Variants in DIS3L observed in about 807,000 individuals in gnomAD.
The protein encoded by DIS3L is DIS3 like exosome 3'-5' exoribonuclease, also known as DIS3-like exonuclease 1.
Under a neutral mutation model 120.3 loss-of-function variants are expected in DIS3L, and 100 were observed. The ratio of observed to expected loss-of-function variants is 0.83; its 90% CI spans 0.71 to 0.98. The LOEUF is 0.98. Among genes scored for constraint, DIS3L ranks in the 50% least tolerant of loss-of-function variants. The pLI, the probability that DIS3L is intolerant of heterozygous loss-of-function variation, is 0.00. For missense variants in DIS3L, 1,196 were observed against 1,314.2 expected, an observed-to-expected ratio of 0.91 and a Z score of 1.39; for synonymous variants, 426 against 470.6, an observed-to-expected ratio of 0.91 and a Z score of 1.23.
Position 66,295,017 on chromosome 15 carries a change from C to G in DIS3L, c.169C>G (p.His57Asp). The G allele has an allele frequency of 6.2e-7, 1 of 1,613,854 alleles. No individual in the cohort carries two copies. The highest frequency in any genetic ancestry group is 8.5e-7 in the Non-Finnish European group (1 of 1,179,834). ...DGKLLSSDVT[H>D]YVIPDWKVVQ... ...GAAACTCTTGTCTAGTGATGTGACT[C>G]ATTACGTGATCCCAGACTGGAAAGT... Residue 57 changes from histidine (H) to aspartate (D), a missense_variant, in exon 2 of 17, where the codon CAT (histidine) becomes GAT (aspartate). Transcript: ENST00000319212.
chr15:66,323,695 G>A (rs1390642338), intron 11 of DIS3L, 110 bp downstream of exon 11: 1 of 1,132,564 alleles, frequency 8.8e-7, no homozygotes, highest in East Asian at 2.4e-5. Context: ...CCCCAGCCCT[G>A]TGTCTCCCCT....
intron 4 of DIS3L, among the ~76,000 whole-genome samples, chr15:66,310,584 G>C (rs1243098658): frequency 6.6e-6 from 1 of 152,158 alleles, no homozygotes; most frequent in African/African-American, 2.4e-5. Flanking sequence ...CCCTCTTGAA[G>C]ACGTAGTTCA....
In DIS3L at chr15:66,322,753, C is replaced by T. The variant is rs200498297; in HGVS notation, c.1393C>T (p.Arg465Cys). Residue 465 changes from arginine to cysteine, a missense_variant, in exon 10 of 17, where the codon CGT becomes TGT. Arg to Cys is a radical substitution (Grantham distance 180). Coordinates refer to ENST00000319212, the MANE Select transcript of DIS3L (RefSeq NM_001143688.3). ...WKVSPEEEQK[R>C]KDLRKSHLVF... ...GGTGAGTCCTGAAGAGGAACAAAAA[C>T]GTAAAGACTTGAGGAAAAGCCATCT... 1.8e-5 allele frequency: 29 copies of T among 1,613,984 alleles called. No individual in the cohort carries two copies. Among genetic ancestry groups the T allele is most frequent in the Non-Finnish European group, 2.0e-5 (24 of 1,180,032 alleles).
chr15:66,313,412 T>C (rs1234121233), intron 5 of DIS3L, among the ~76,000 whole-genome samples: 1 of 152,206 alleles, frequency 6.6e-6, no homozygotes, highest in African/African-American at 2.4e-5. Flanking sequence ...GATGGTATTT[T>C]TCTCCAAAGA....
intron 2 of DIS3L, among the ~76,000 whole-genome samples, chr15:66,297,774 T>C (rs987980045): frequency 2.0e-5 from 3 of 152,218 alleles, no homozygotes; most frequent in African/African-American, 7.2e-5. Flanking sequence ...TGGTCCTGTC[T>C]GGTGTCTGGT....
intron 7 of DIS3L, among the ~76,000 whole-genome samples, chr15:66,318,126 A>C (rs1419656839): frequency 1.3e-5 from 2 of 152,132 alleles, no homozygotes; most frequent in African/African-American, 4.8e-5. Flanking sequence ...GGCGCACGCC[A>C]CCATGCCCAG....
intron 8 of DIS3L, among the ~76,000 whole-genome samples, chr15:66,320,048 C>T (rs12906737): frequency 0.12 from 18,564 of 151,576 alleles, 1,238 homozygotes; most frequent in Non-Finnish European, 0.15. Context: ...CACTTGAACC[C>T]GGGAGGCATA....
intron 11 of DIS3L, 50 bp downstream of exon 11, chr15:66,323,635 T>A (rs1470878690): frequency 1.3e-6 from 2 of 1,576,436 alleles, no homozygotes; most frequent in Non-Finnish European, 8.7e-7. Context: ...CTTCTGTGGC[T>A]CCTGATGCTG....
In DIS3L at chr15:66,293,710, C is replaced by G; in HGVS notation, c.114C>G (p.Cys38Trp). ...GCGTGCCCTGCCACAGCCCGCTCTG[C>G]CCGCAGCCCGCCGCCTGCAGCCACG... ...RPCVPCHSPL[C>W]PQPAACSHDG... is the part of the protein sequence containing the mutation. Residue 38 changes from cysteine (C) to tryptophan (W), a missense_variant, in exon 1 of 17, where the codon TGC (cysteine) becomes TGG (tryptophan). Coordinates refer to ENST00000319212, the MANE Select transcript of DIS3L (RefSeq NM_001143688.3). The G allele has an allele frequency of 7.5e-7, 1 of 1,329,440 alleles. No individual in the cohort carries two copies. The highest frequency in any genetic ancestry group is 9.7e-7 in the Non-Finnish European group (1 of 1,034,416). The allele number at this position is 1,329,440 out of a possible 1,614,324, so 82.4% of individuals were successfully genotyped here. A position where few individuals can be genotyped will look rare whatever the true frequency, so the allele number is the denominator to read the frequency against.
intron 8 of DIS3L, among the ~76,000 whole-genome samples, chr15:66,319,008 G>A (rs1411418310): frequency 6.6e-6 from 1 of 152,154 alleles, no homozygotes; most frequent in Non-Finnish European, 1.5e-5. Flanking sequence ...GGCCAGGCTG[G>A]TCTCAAACTC....
intron 10 of DIS3L, among the ~76,000 whole-genome samples, 187 bp downstream of exon 10, chr15:66,323,121 CT>C (rs546254701): frequency 8.0e-4 from 122 of 152,260 alleles, no homozygotes; most frequent in African/African-American, 2.8e-3. Flanking sequence ...TTTACCTTTG[CT>C]TTTTAACATA....
intron 2 of DIS3L, among the ~76,000 whole-genome samples, chr15:66,302,913 C>T (rs2092663982): frequency 6.6e-6 from 1 of 152,194 alleles, no homozygotes. Flanking sequence ...TCAGCCATCA[C>T]CAACATCTGT....
intron 2 of DIS3L, among the ~76,000 whole-genome samples, chr15:66,301,402 T>G (rs1019321814): frequency 1.3e-5 from 2 of 152,072 alleles, no homozygotes; most frequent in African/African-American, 2.4e-5. Context: ...TGCCTCAGCC[T>G]CCTAGATAGC....
intron 1 of DIS3L, chr15:66,294,072 T>C (rs1022607034): frequency 4.6e-4 from 453 of 986,196 alleles, no homozygotes; most frequent in Non-Finnish European, 5.0e-4. Context: ...CGCCGCAACC[T>C]CGCGCCGTGG....
intron 2 of DIS3L, among the ~76,000 whole-genome samples, chr15:66,299,336 G>A (rs1462855139): frequency 6.6e-6 from 1 of 152,134 alleles, no homozygotes; most frequent in East Asian, 1.9e-4. Flanking sequence ...TTGAGGTCAG[G>A]AGTTGAAGAC....
upstream of DIS3L, chr15:66,293,561 G>C (rs775914855): frequency 7.1e-7 from 1 of 1,398,626 alleles, no homozygotes. Context: ...CCTCCGCCGC[G>C]CCCGCCACTC....
At chr15:66,313,771 ATATATATATGTGTGTGTG>A (rs1566945725) in intron 5 of DIS3L, among the ~76,000 whole-genome samples, 3 of 126,112 alleles carry the variant, frequency 2.4e-5, no homozygotes, top group Admixed American at 9.1e-5. Flanking sequence ...GTGTGTGTGT[ATATATATATGTGTGTGTG>A]TATATATATA....
At chr15:66,304,909 A>AG (rs1375766943) in intron 2 of DIS3L, among the ~76,000 whole-genome samples, 2 of 151,878 alleles carry the variant, frequency 1.3e-5, no homozygotes, top group African/African-American at 4.8e-5. Context: ...TCAAAAAAAA[A>AG]AAAAAAAAAG....
chr15:66,309,094 A>AAAAAAAAAAAAAATATATAT, intron 4 of DIS3L, among the ~76,000 whole-genome samples: 220 of 15,300 alleles, frequency 0.014, 64 homozygotes, highest in African/African-American at 0.04. Flanking sequence ...AAAAAAAAAA[A>AAAAAAAAAAAAAATATATAT]ATATATATAT....
Sources: gnomAD v4.1 joint callset for allele counts (sites outside exome capture counted in the v4.1 genomes callset) on GRCh38, gnomAD v4.1.1 for gene constraint, MANE v1.5 for transcripts, NCBI Gene and HGNC (gene_info 2026-07-23, HGNC 2026-07-21) for gene names.